The following ADAMTS17 variants were observed in gnomAD, a reference collection of about 807,000 sequenced individuals.
ADAMTS17 encodes the protein ADAM metallopeptidase with thrombospondin type 1 motif 17, also known as A disintegrin and metalloproteinase with thrombospondin motifs 17.
Under a neutral mutation model 141.5 loss-of-function variants are expected in ADAMTS17, and 113 were observed. The ratio of observed to expected loss-of-function variants is 0.80; its 90% CI spans 0.69 to 0.93. The LOEUF is 0.93. Among genes scored for constraint, ADAMTS17 ranks in the 40% least tolerant of loss-of-function variants. The pLI, the probability that ADAMTS17 is intolerant of heterozygous loss-of-function variation, is 0.00. For synonymous variants in ADAMTS17, 768 were observed against 630.6 expected, an observed-to-expected ratio of 1.22 and a Z score of -3.27; for missense variants, 1,659 against 1,517.9, an observed-to-expected ratio of 1.09 and a Z score of -1.54.
intron 12 of ADAMTS17, among the ~76,000 whole-genome samples, chr15:100,119,359 A>G (rs1196776490): frequency 1.3e-5 from 2 of 152,222 alleles, no homozygotes; most frequent in African/African-American, 4.8e-5. Context: ...CAGGGCAGAC[A>G]TGAAGTCATG....
At chr15:100,094,096 A>AAAAC (rs1341584996) in intron 15 of ADAMTS17, among the ~76,000 whole-genome samples, 1 of 152,114 alleles carries the variant, frequency 6.6e-6, no homozygotes, top group African/African-American at 2.4e-5. Flanking sequence ...TGAAAAACAA[A>AAAAC]AAACTGCTGT....
chr15:100,137,456 T>C (rs2038392608), intron 10 of ADAMTS17, among the ~76,000 whole-genome samples: 1 of 152,032 alleles, frequency 6.6e-6, no homozygotes, highest in Admixed American at 6.5e-5. Context: ...AATTGGGTGG[T>C]GGAAGGAGTG....
rs1369900917 is a variant in ADAMTS17, at chr15:100,105,688, CTTA to C, written c.2016+3298_2016+3300del. On this transcript the variant is annotated intron_variant, in intron 14 of 21. Coordinates refer to ENST00000268070, the MANE Select transcript of ADAMTS17 (RefSeq NM_139057.4). ...AGAGGCTAGAGAGCTAGCTAGCTCT[CTTA>C]TTTTTATTTTTTTTGAGATGGAGTC... 1.1e-4 allele frequency among the ~76,000 whole-genome samples: 17 copies of C among 152,124 alleles called. No individual in the cohort carries two copies. In the East Asian group the frequency reaches 2.5e-3, roughly 22 times the overall value.
At chr15:100,143,494 G>T (rs986724765) in intron 10 of ADAMTS17, among the ~76,000 whole-genome samples, 1 of 152,124 alleles carries the variant, frequency 6.6e-6, no homozygotes, top group East Asian at 1.9e-4. Context: ...TTTATGTTTG[G>T]ACTTTCTTGA....
intron 21 of ADAMTS17, 41 bp downstream of exon 21, chr15:99,976,004 A>C (rs750757394): frequency 1.8e-4 from 282 of 1,529,360 alleles, no homozygotes; most frequent in Non-Finnish European, 2.4e-4. Context: ...GGCAGGAGAC[A>C]CAGCAGCCCC....
At chr15:100,145,297 A>G (rs977748343) in intron 10 of ADAMTS17, among the ~76,000 whole-genome samples, 4 of 152,226 alleles carry the variant, frequency 2.6e-5, no homozygotes, top group African/African-American at 9.7e-5. Context: ...CAATTCCTAC[A>G]TATGAATGGG....
chr15:100,153,377 A>C (rs1466207727), intron 9 of ADAMTS17, among the ~76,000 whole-genome samples: 4 of 152,158 alleles, frequency 2.6e-5, no homozygotes, highest in Non-Finnish European at 5.9e-5. Flanking sequence ...TCGGGGGCTC[A>C]CACCAGTAAT....
intron 3 of ADAMTS17, among the ~76,000 whole-genome samples, chr15:100,318,096 G>A (rs747965127): frequency 7.2e-5 from 11 of 152,048 alleles, no homozygotes; most frequent in Non-Finnish European, 1.6e-4. Flanking sequence ...CTGAGGTGAC[G>A]GGTCAGAGTG....
At chr15:100,311,926 G>C (rs73485936) in intron 3 of ADAMTS17, among the ~76,000 whole-genome samples, 13,241 of 152,238 alleles carry the variant, frequency 0.087, 651 homozygotes, top group Middle Eastern at 0.1. Context: ...GACGGATCAA[G>C]AATGCATGGT....
intron 7 of ADAMTS17, among the ~76,000 whole-genome samples, chr15:100,223,543 A>C (rs749564349): frequency 6.6e-6 from 1 of 152,078 alleles, no homozygotes; most frequent in African/African-American, 2.4e-5. Flanking sequence ...AGGGCAAAGA[A>C]GGCAGGGACT....
chr15:100,339,102 A>C (rs1216233055), intron 2 of ADAMTS17: 2 of 985,416 alleles, frequency 2.0e-6, no homozygotes, highest in Non-Finnish European at 2.4e-6. Context: ...CTGAAGTCTT[A>C]GAGGTACAAC....
chr15:100,096,239 ACCTATCCACTACCAT>A lies in ADAMTS17; in HGVS notation c.2137+102_2137+116del. ...AGAAATGAAACTGAAGTTCCAGGTC[ACCTATCCACTACCAT>A]CTAGCCCTTAAATATGAAATGTAGG... On this transcript the variant is annotated intron_variant, in intron 15 of 21. Coordinates refer to ENST00000268070, the MANE Select transcript of ADAMTS17 (RefSeq NM_139057.4). 3.3e-6 allele frequency: 5 copies of A among 1,528,652 alleles called. No homozygotes were observed. In the South Asian group the frequency reaches 5.8e-5, roughly 18 times the overall value. 94.7% of individuals were successfully genotyped at this position (1,528,652 alleles called of 1,614,324 possible).
chr15:100,245,830 C>T (rs959330919), intron 7 of ADAMTS17, among the ~76,000 whole-genome samples: 1 of 152,196 alleles, frequency 6.6e-6, no homozygotes, highest in Non-Finnish European at 1.5e-5. Context: ...GGGAAGCACA[C>T]ACACTGCACA....
At chr15:100,008,835 TTTTG>T (rs773605924) in intron 18 of ADAMTS17, among the ~76,000 whole-genome samples, 3 of 152,010 alleles carry the variant, frequency 2.0e-5, no homozygotes, top group East Asian at 1.9e-4. Context: ...TTTGTGCCGT[TTTTG>T]TTTGTTCGTT....
At chr15:100,095,683 C>T (rs1003010533) in intron 15 of ADAMTS17, among the ~76,000 whole-genome samples, 17 of 152,170 alleles carry the variant, frequency 1.1e-4, no homozygotes, top group Admixed American at 3.3e-4. Flanking sequence ...CAACTACAGA[C>T]GCTTTCTTAA....
chr15:100,242,763 A>C (rs2042865298), intron 7 of ADAMTS17, among the ~76,000 whole-genome samples: 1 of 152,244 alleles, frequency 6.6e-6, no homozygotes, highest in Non-Finnish European at 1.5e-5. Context: ...AAGTGCTAGA[A>C]AATAAAATTC....
At chr15:100,205,194 C>T (rs918585343) in intron 7 of ADAMTS17, among the ~76,000 whole-genome samples, 2 of 152,164 alleles carry the variant, frequency 1.3e-5, no homozygotes, top group African/African-American at 4.8e-5. Flanking sequence ...AAGAGAATCA[C>T]ACGAGTCCCC....
intron 15 of ADAMTS17, among the ~76,000 whole-genome samples, chr15:100,077,426 C>G (rs1021693155): frequency 2.0e-5 from 3 of 148,536 alleles, no homozygotes; most frequent in Non-Finnish European, 4.4e-5. Flanking sequence ...TGTGCAACTG[C>G]ACTCCAGCCT....
intron 15 of ADAMTS17, among the ~76,000 whole-genome samples, chr15:100,090,480 G>C (rs2035388124): frequency 6.6e-6 from 1 of 152,186 alleles, no homozygotes; most frequent in South Asian, 2.1e-4. Flanking sequence ...CTGTGCAGCT[G>C]ATGCATGGTA....
Sources: allele counts gnomAD v4.1 joint callset (sites outside exome capture counted in the v4.1 genomes callset), GRCh38; gene constraint gnomAD v4.1.1; transcripts MANE v1.5; gene names NCBI Gene and HGNC (gene_info 2026-07-23, HGNC 2026-07-21).